PITPNM2: variants seen among roughly 807,000 people sequenced by gnomAD.
PITPNM2 encodes membrane-associated phosphatidylinositol transfer protein 2.
A neutral mutation model predicts 132.2 loss-of-function variants in PITPNM2; 35 were observed. The ratio of observed to expected loss-of-function variants is 0.26; its 90% CI spans 0.20 to 0.35. The LOEUF is 0.35. PITPNM2 is among the 10% of genes least tolerant of loss of function. The probability of loss-of-function intolerance (pLI) is 1.00; values close to 1 mark genes in which losing one functional copy is unlikely to be tolerated. For missense variants in PITPNM2, 1,332 were observed against 1,912.0 expected, an observed-to-expected ratio of 0.70 and a Z score of 5.66; for synonymous variants, 738 against 799.2, an observed-to-expected ratio of 0.92 and a Z score of 1.29.
At chr12:123,085,492 A>G (rs1363986425) in intron 2 of PITPNM2, among the ~76,000 whole-genome samples, 1 of 152,198 alleles carries the variant, frequency 6.6e-6, no homozygotes, top group Non-Finnish European at 1.5e-5. Flanking sequence ...AGAGTACGGC[A>G]GAGGCTACTG....
chr12:122,991,375 G>A (rs2038177630), intron 16 of PITPNM2, among the ~76,000 whole-genome samples: 1 of 152,218 alleles, frequency 6.6e-6, no homozygotes, highest in African/African-American at 2.4e-5. Flanking sequence ...GCGAAGGAGT[G>A]GGCCTTGGGG....
intron 2 of PITPNM2, chr12:123,090,201 A>G (rs1389929099): frequency 3.3e-5 from 5 of 152,232 alleles, no homozygotes. Flanking sequence ...GTCATTTCTA[A>G]GTCAACTCAT....
intron 2 of PITPNM2, among the ~76,000 whole-genome samples, chr12:123,056,710 G>A (rs920929160): frequency 1.3e-5 from 2 of 152,174 alleles, no homozygotes; most frequent in Non-Finnish European, 2.9e-5. Flanking sequence ...GTCCTCTCCC[G>A]GGATGCCCCA....
At position 123,000,897 on chromosome 12, in the gene PITPNM2, G is replaced by A. The variant is rs774872518; in HGVS notation, c.1154-49C>T. The A allele has an allele frequency of 1.9e-6, 3 of 1,606,178 alleles. No individual in the cohort carries two copies. In the African/African-American group the frequency reaches 4.0e-5, roughly 21 times the overall value. On this transcript the variant is annotated intron_variant, in intron 9 of 25. Transcript: ENST00000320201. This position sits in a 1 kb window ranked among gnomAD's most constrained non-coding sequence, Gnocchi z 5.4. ...TGTGAGCTGAGGGGCAGCCCAACCT[G>A]GCCGACCGGACAGAGGCTGCAACTG... is the stretch of plus-strand genomic sequence containing the variant.
At chr12:123,120,491 G>A (rs1005859568) in intron 1 of PITPNM2, among the ~76,000 whole-genome samples, 1 of 152,196 alleles carries the variant, frequency 6.6e-6, no homozygotes, top group Non-Finnish European at 1.5e-5. Context: ...CCTCTCATAT[G>A]GAGAGTGGAT....
At position 122,988,342 on chromosome 12, in the gene PITPNM2, C is replaced by A. The variant is rs756783217; in HGVS notation, c.2889G>T (p.Arg963Ser). Reference sequence around the variant, plus strand: ...GCTCCAAGATGCTGGAGTTGTCATGCCTCATGACCTGGGAAGAGGGGACAG... The same window carrying A: ...GCTCCAAGATGCTGGAGTTGTCATGACTCATGACCTGGGAAGAGGGGACAG... ...VVSFLLRQVM[R>S]HDNSSILELD... Residue 963 changes from arginine (R) to serine (S), a missense_variant, in exon 20 of 26, where the codon AGG becomes AGT. Arg to Ser is a moderately radical substitution (Grantham distance 110). Coordinates refer to ENST00000320201, the MANE Select transcript of PITPNM2 (RefSeq NM_020845.3). 6.2e-7 allele frequency: 1 copy of A among 1,612,930 alleles called. No homozygotes were observed. The highest frequency in any genetic ancestry group is 1.1e-5 in the South Asian group (1 of 91,072).
rs565639153 is a variant in PITPNM2, at chr12:122,988,817, G to A, written c.2787C>T (p.Asp929=). The A allele has an allele frequency of 3.9e-5, 62 of 1,585,200 alleles. No individual in the cohort carries two copies. The highest frequency in any genetic ancestry group is 2.8e-4 in the African/African-American group (21 of 74,610). The change falls in exon 19 of 26, where the codon GAC becomes GAT. Residue 929 remains aspartate (D), a synonymous_variant. Coordinates refer to ENST00000320201, the MANE Select transcript of PITPNM2 (RefSeq NM_020845.3). Reference sequence around the variant, plus strand: ...CCACCGTGGGGAAGGCCGTGAGGGCGTCAGGGCAGTACAGGGCGTAGTCGA... The same window carrying A: ...CCACCGTGGGGAAGGCCGTGAGGGCATCAGGGCAGTACAGGGCGTAGTCGA... ...KRIDYALYCP[D]ALTAFPTVAL...
chr12:123,102,444 C>T (rs942761118), intron 2 of PITPNM2, among the ~76,000 whole-genome samples: 17 of 152,174 alleles, frequency 1.1e-4, no homozygotes, highest in Non-Finnish European at 2.4e-4. Flanking sequence ...CATTCCTCAA[C>T]AATACATTTA....
At chr12:123,105,226 C>G (rs763883672) in intron 2 of PITPNM2, 2 of 152,182 alleles carry the variant, frequency 1.3e-5, no homozygotes, top group Non-Finnish European at 2.9e-5. Context: ...ATCTGATGTG[C>G]TTACAGGTTT....
intron 2 of PITPNM2, among the ~76,000 whole-genome samples, chr12:123,100,468 A>T (rs1222665010): frequency 6.6e-6 from 1 of 152,208 alleles, no homozygotes; most frequent in Non-Finnish European, 1.5e-5. Flanking sequence ...TCTACTAAAA[A>T]TACAAAAATT....
intron 6 of PITPNM2, among the ~76,000 whole-genome samples, chr12:123,006,383 A>T (rs1454196350): frequency 6.6e-6 from 1 of 151,978 alleles, no homozygotes; most frequent in African/African-American, 2.4e-5. Flanking sequence ...TAAAGTAAAG[A>T]ATATATACCT....
chr12:123,101,697 G>A (rs1407534749), intron 2 of PITPNM2, among the ~76,000 whole-genome samples: 2 of 152,220 alleles, frequency 1.3e-5, no homozygotes, highest in African/African-American at 2.4e-5. Flanking sequence ...CTAGAAAGCT[G>A]TAGTGCAAGC....
intron 2 of PITPNM2, among the ~76,000 whole-genome samples, chr12:123,074,028 C>T (rs1308711885): frequency 1.3e-5 from 2 of 152,180 alleles, no homozygotes; most frequent in East Asian, 1.9e-4. Context: ...AGCCCAGCAG[C>T]CATGCCCGGT....
In PITPNM2 at chr12:123,009,497, C is replaced by A. The variant is rs2039087037; in HGVS notation, c.643+353G>T. On this transcript the variant is annotated intron_variant, in intron 6 of 25. Transcript: ENST00000320201. This position sits in a 1 kb window ranked among gnomAD's most constrained non-coding sequence, Gnocchi z 4.8. ...CTGGGAGCCCAGAGGCCCAGATGAGCAGCAGGGAACCTGTCCCCAGGGGCT... is the reference window on the plus strand; with the variant it reads ...CTGGGAGCCCAGAGGCCCAGATGAGAAGCAGGGAACCTGTCCCCAGGGGCT... Among the ~76,000 whole-genome samples, 1 of 152,176 alleles carries A rather than the reference C, an allele frequency of 6.6e-6. No homozygotes were observed. The highest frequency in any genetic ancestry group is 2.1e-4 in the South Asian group (1 of 4,828).
At chr12:122,998,399 C>A (rs1475153040) in intron 10 of PITPNM2, among the ~76,000 whole-genome samples, 1 of 152,174 alleles carries the variant, frequency 6.6e-6, no homozygotes, top group Admixed American at 6.5e-5. Flanking sequence ...GGGGACTGGG[C>A]CAATATCACA....
chr12:123,120,061 T>C (rs1388994583), intron 1 of PITPNM2, among the ~76,000 whole-genome samples: 1 of 151,870 alleles, frequency 6.6e-6, no homozygotes, highest in Non-Finnish European at 1.5e-5. Flanking sequence ...CCTGCCGGGG[T>C]TTTGCTGCAT....
chr12:122,986,050 C>CCGGCTCCAGGCGGCCAGTCATGGCG lies in PITPNM2; in HGVS notation c.4002_4026dup (p.Gly1343ArgfsTer29). ...CCCTACTTGGGGCCCGCGGCTGCCC[C>CCGGCTCCAGGCGGCCAGTCATGGCG]CGGCTCCAGGCGGCCAGTCATGGCG... is the stretch of plus-strand genomic sequence containing the variant. On this transcript the variant is annotated frameshift_variant, in exon 26 of 26. Transcript: ENST00000320201. LOFTEE classifies it high-confidence loss of function. 7.1e-7 allele frequency: 1 copy of CCGGCTCCAGGCGGCCAGTCATGGCG among 1,411,776 alleles called. No homozygotes were observed. Among genetic ancestry groups the CCGGCTCCAGGCGGCCAGTCATGGCG allele is most frequent in the Non-Finnish European group, 9.1e-7 (1 of 1,094,366 alleles). The allele number at this position is 1,411,776 out of a possible 1,614,324, so 87.5% of individuals were successfully genotyped here. A position where few individuals can be genotyped will look rare whatever the true frequency, so the allele number is the denominator to read the frequency against.
At position 122,989,830 on chromosome 12, in the gene PITPNM2, G is replaced by T. The variant is rs762638789; in HGVS notation, c.2688C>A (p.Gly896=). 2 of 1,390,438 alleles carry T rather than the reference G, an allele frequency of 1.4e-6. No individual in the cohort carries two copies. The highest frequency in any genetic ancestry group is 5.7e-5 in the Admixed American group (2 of 35,196). The allele number at this position is 1,390,438 out of a possible 1,614,324, so 86.1% of individuals were successfully genotyped here. ...CAGGGAGGCCAGGGGCCCTCTCCAG[G>T]CCAGGGCTTGCCTTCCTGGCTGGAG... The part of the protein sequence containing the change: ...PHPPARKASP[G]LERAPGLPEL... The change falls in exon 18 of 26, where the codon GGC becomes GGA. Residue 896 remains glycine (G), a synonymous_variant. Transcript: ENST00000320201.
chr12:123,095,537 G>C lies in PITPNM2; in HGVS notation c.-96+14848C>G, dbSNP rs1323468400. On this transcript the variant is annotated intron_variant, in intron 2 of 25. Transcript: ENST00000320201. This position sits in a 1 kb window ranked among gnomAD's most constrained non-coding sequence, Gnocchi z 5.0. ...CCCCCCGCCTCCGACCTGTCACCCA[G>C]ATGAAGTGAGACGAAGTGTCTTCCA... 6.6e-6 allele frequency among the ~76,000 whole-genome samples: 1 copy of C among 152,114 alleles called. No homozygotes were observed. Among genetic ancestry groups the C allele is most frequent in the African/African-American group, 2.4e-5 (1 of 41,426 alleles).
Sources: allele counts gnomAD v4.1 joint callset (sites outside exome capture counted in the v4.1 genomes callset), GRCh38; gene constraint gnomAD v4.1.1; non-coding constraint Gnocchi (gnomAD v3.1); transcripts MANE v1.5; gene names NCBI Gene and HGNC (gene_info 2026-07-23, HGNC 2026-07-21).